Variants in CHIC2 observed in about 807,000 individuals in gnomAD.
CHIC2 encodes cysteine rich hydrophobic domain 2.
CHIC2 carries 14 observed loss-of-function variants against 25.9 expected under a neutral mutation model. The ratio of observed to expected loss-of-function variants is 0.54; its 90% CI spans 0.36 to 0.85. The LOEUF (loss-of-function observed/expected upper bound fraction) is 0.85. Ranked by LOEUF, CHIC2 falls within the 40% of genes least tolerant of loss-of-function variation. The pLI, the probability that CHIC2 is intolerant of heterozygous loss-of-function variation, is 0.01. For synonymous variants in CHIC2, 70 were observed against 72.0 expected, an observed-to-expected ratio of 0.97 and a Z score of 0.14; for missense variants, 146 against 202.0, an observed-to-expected ratio of 0.72 and a Z score of 1.68.
intron 3 of CHIC2, among the ~76,000 whole-genome samples, chr4:54,042,213 C>T (rs1716599679): frequency 6.6e-6 from 1 of 152,026 alleles, no homozygotes; most frequent in Admixed American, 6.6e-5. Flanking sequence ...CTAGATAGTA[C>T]TCCATATAAA....
intron 3 of CHIC2, among the ~76,000 whole-genome samples, chr4:54,042,781 A>G (rs992798008): frequency 1.3e-5 from 2 of 152,218 alleles, no homozygotes; most frequent in Non-Finnish European, 2.9e-5. Flanking sequence ...AACCATTTTT[A>G]GAAAAAAGGA....
intron 1 of CHIC2, among the ~76,000 whole-genome samples, chr4:54,051,056 A>T (rs546938257): frequency 1.3e-5 from 2 of 152,204 alleles, no homozygotes; most frequent in African/African-American, 4.8e-5. Context: ...TTGGGACTGT[A>T]TCACCTCTGA....
chr4:54,052,120 A>T (rs1389494819), intron 1 of CHIC2, among the ~76,000 whole-genome samples: 1 of 128,040 alleles, frequency 7.8e-6, no homozygotes, highest in African/African-American at 3.2e-5. Context: ...ATCCCTGCCA[A>T]AACCTTTTTT....
rs554912513 is a variant in CHIC2, at chr4:54,031,836, T to C, written c.330+17119A>G. Reference sequence around the variant, plus strand: ...GGTTTCACCATGTTGGCCAGGCTGGTCTTGAACGCCTGGTCTCAAGCAATC... The same window carrying C: ...GGTTTCACCATGTTGGCCAGGCTGGCCTTGAACGCCTGGTCTCAAGCAATC... On this transcript the variant is annotated intron_variant, in intron 3 of 5. Transcript: ENST00000263921. Among the ~76,000 whole-genome samples, 5 of 152,046 alleles carry C rather than the reference T, an allele frequency of 3.3e-5. No homozygotes were observed. The South Asian group carries it at 1.0e-3, about 31-fold the overall frequency.
chr4:54,067,246 G>T (rs1465323560), upstream of CHIC2, among the ~76,000 whole-genome samples: 1 of 152,046 alleles, frequency 6.6e-6, no homozygotes, highest in African/African-American at 2.4e-5. Context: ...ATACGGTAGA[G>T]GCAGGGAATT....
At chr4:54,051,473 C>T (rs1343743497) in intron 1 of CHIC2, among the ~76,000 whole-genome samples, 1 of 152,034 alleles carries the variant, frequency 6.6e-6, no homozygotes, top group Non-Finnish European at 1.5e-5. Flanking sequence ...TTTCCATGCT[C>T]CGTAGTTGTT....
chr4:54,037,088 A>C (rs1168964702), intron 3 of CHIC2, among the ~76,000 whole-genome samples: 2 of 152,170 alleles, frequency 1.3e-5, no homozygotes, highest in African/African-American at 4.8e-5. Context: ...GGGCTGGCCA[A>C]GCACGGAGGC....
chr4:54,066,550 T>C (rs1717524517), upstream of CHIC2, among the ~76,000 whole-genome samples: 1 of 152,206 alleles, frequency 6.6e-6, no homozygotes, highest in Non-Finnish European at 1.5e-5. Context: ...CTATGTGGCT[T>C]TCTCAAGGCC....
In CHIC2 at chr4:54,047,711, A is replaced by T. The variant is rs1716877586; in HGVS notation, c.330+1244T>A. On this transcript the variant is annotated intron_variant, in intron 3 of 5. Coordinates refer to ENST00000263921, the MANE Select transcript of CHIC2 (RefSeq NM_012110.4). ...TATACCTAATGTTAAATGACGAGTT[A>T]ATGGGTGCAGCACACCAACATGGCA... 2.0e-5 allele frequency among the ~76,000 whole-genome samples: 3 copies of T among 151,586 alleles called. No individual in the cohort carries two copies. In the South Asian group the frequency reaches 6.3e-4, roughly 32 times the overall value.
At chr4:54,035,867 G>GT (rs1382163093) in intron 3 of CHIC2, among the ~76,000 whole-genome samples, 1 of 152,134 alleles carries the variant, frequency 6.6e-6, no homozygotes, top group African/African-American at 2.4e-5. Context: ...CACTGCTTTA[G>GT]TAGTATGACA....
chr4:54,038,654 G>A (rs1449007700), intron 3 of CHIC2, among the ~76,000 whole-genome samples: 1 of 152,044 alleles, frequency 6.6e-6, no homozygotes, highest in Non-Finnish European at 1.5e-5. Flanking sequence ...AAAGAAATTA[G>A]AACAGCCAAA....
chr4:54,064,399 T>G lies in CHIC2; in HGVS notation c.-99A>C. The G allele has an allele frequency of 6.5e-7, 1 of 1,549,368 alleles. No homozygotes were observed. Among genetic ancestry groups the G allele is most frequent in the South Asian group, 1.2e-5 (1 of 84,718 alleles). ...GGCGGAGGCTGAGGGGAGTCGCCGC[T>G]GCCGCCGGCTCCGAGGCCGCGGAGT... On this transcript the variant is annotated 5_prime_UTR_variant, in exon 1 of 6. Transcript: ENST00000263921. This position sits in a 1 kb window ranked among gnomAD's most constrained non-coding sequence, Gnocchi z 4.2.
chr4:54,080,067 A>G, the CHIC2 span, among the ~76,000 whole-genome samples: 2 of 151,192 alleles, frequency 1.3e-5, no homozygotes, highest in Non-Finnish European at 2.9e-5. Context: ...GCATGTTATG[A>G]TATCAACTTA....
At chr4:54,069,556 C>T (rs1415889021), upstream of CHIC2, among the ~76,000 whole-genome samples, 2 of 152,170 alleles carry the variant, frequency 1.3e-5, no homozygotes, top group Admixed American at 6.5e-5. Flanking sequence ...GGCTTCATTA[C>T]GTAGGCATGA....
At chr4:54,053,776 A>G (rs1205108930) in intron 1 of CHIC2, among the ~76,000 whole-genome samples, 1 of 151,998 alleles carries the variant, frequency 6.6e-6, no homozygotes, top group Non-Finnish European at 1.5e-5. Context: ...CCTGCTAACT[A>G]AATAATTGAC....
At chr4:54,046,424 A>C (rs1716817124) in intron 3 of CHIC2, among the ~76,000 whole-genome samples, 1 of 152,166 alleles carries the variant, frequency 6.6e-6, no homozygotes, top group Non-Finnish European at 1.5e-5. Flanking sequence ...CAGTAACCAA[A>C]ACAGCATGGT....
chr4:54,047,706 G>A (rs1370166556), intron 3 of CHIC2, among the ~76,000 whole-genome samples: 3 of 150,724 alleles, frequency 2.0e-5, no homozygotes, highest in Non-Finnish European at 3.0e-5. Flanking sequence ...GTTAAATGAC[G>A]AGTTAATGGG....
intron 3 of CHIC2, among the ~76,000 whole-genome samples, chr4:54,036,616 G>C (rs760487637): frequency 8.5e-5 from 13 of 152,102 alleles, no homozygotes; most frequent in Non-Finnish European, 1.8e-4. Context: ...ATTTCAACAT[G>C]AGATTTAGAG....
At chr4:54,014,961 T>G (rs1033495044) in intron 3 of CHIC2, among the ~76,000 whole-genome samples, 1 of 152,114 alleles carries the variant, frequency 6.6e-6, no homozygotes. Context: ...AAAAAACATC[T>G]TACCACTATT....
Sources: allele counts gnomAD v4.1 joint callset (sites outside exome capture counted in the v4.1 genomes callset), GRCh38; gene constraint gnomAD v4.1.1; non-coding constraint Gnocchi (gnomAD v3.1); transcripts MANE v1.5; gene names NCBI Gene and HGNC (gene_info 2026-07-23, HGNC 2026-07-21).